The following STK3 variants were observed in gnomAD, a reference collection of about 807,000 sequenced individuals.
STK3 encodes the protein serine/threonine kinase 3.
STK3 carries 41 observed loss-of-function variants against 58.0 expected under a neutral mutation model. The ratio of observed to expected loss-of-function variants is 0.71; its 90% CI spans 0.55 to 0.92. STK3 has a LOEUF of 0.92. Among genes scored for constraint, STK3 ranks in the 40% least tolerant of loss-of-function variants. STK3 has a pLI of 0.00. For synonymous variants in STK3, 170 were observed against 191.0 expected (o/e 0.89, Z 0.91); for missense variants, 479 against 602.7 (o/e 0.79, Z 2.15).
rs1302087485 is a variant in STK3 at position 98,592,733 on chromosome 8, CTTTAT to C, written c.822+3294_822+3298del. Reference sequence around the variant, plus strand: ...TCATGGAAGACTGCTCACTGACTTACTTTATTTATTTATTTATTTATTTATTTATT... The same window carrying C: ...TCATGGAAGACTGCTCACTGACTTACTTATTTATTTATTTATTTATTTATT... On this transcript the variant is annotated intron_variant, in intron 7 of 10. Transcript: ENST00000419617. Among the ~76,000 whole-genome samples, 6 of 139,616 alleles carry C rather than the reference CTTTAT, an allele frequency of 4.3e-5. No individual in the cohort carries two copies. The South Asian group carries it at 9.4e-4, about 22-fold the overall frequency. The allele number at this position is 139,616 out of a possible 152,430, so 91.6% of individuals were successfully genotyped here.
chr8:98,631,667 T>TG (rs201413942), intron 6 of STK3, among the ~76,000 whole-genome samples: 2 of 150,896 alleles, frequency 1.3e-5, no homozygotes, highest in East Asian at 3.9e-4. Context: ...TTCGTTTTTT[T>TG]GTGTGTTTTT....
intron 1 of STK3, among the ~76,000 whole-genome samples, chr8:98,912,564 C>T (rs984825841): frequency 6.6e-6 from 1 of 152,106 alleles, no homozygotes; most frequent in Non-Finnish European, 1.5e-5. Context: ...GAACGTGCCC[C>T]ACTAACAACA....
Position 98,588,842 on chromosome 8 carries a change from C to T in STK3, c.822+7190G>A, listed in dbSNP as rs567587945. 4.4e-3 allele frequency among the ~76,000 whole-genome samples: 668 copies of T among 151,380 alleles called. 2 individuals are homozygous for T. Among genetic ancestry groups the T allele is most frequent in the African/African-American group, 0.012 (497 of 40,990 alleles). ...AAACTTCCCTTCTCGCTTCATTTCA[C>T]TCATTTCATCTTCCATTGCTGATAC... On this transcript the variant is annotated intron_variant, in intron 7 of 10. Transcript: ENST00000419617.
chr8:98,375,114 G>T (rs939152256), intron 2 of STK3, among the ~76,000 whole-genome samples: 5 of 151,714 alleles, frequency 3.3e-5, no homozygotes, highest in Non-Finnish European at 7.4e-5. Context: ...TATTAGCCAG[G>T]CATGGTGGCT....
intron 6 of STK3, among the ~76,000 whole-genome samples, chr8:98,599,078 T>C (rs1816091046): frequency 6.6e-6 from 1 of 152,186 alleles, no homozygotes; most frequent in African/African-American, 2.4e-5. Flanking sequence ...TCTGTGAATG[T>C]ATAGAAGTGA....
At chr8:98,833,224 G>A (rs542269936) in intron 3 of STK3, among the ~76,000 whole-genome samples, 79 of 152,128 alleles carry the variant, frequency 5.2e-4, no homozygotes, top group Non-Finnish European at 1.0e-3. Context: ...GCAGGGGGAG[G>A]GTTCCAGGTC....
chr8:98,382,087 T>TTGG (rs1817738184), intron 1 of STK3, among the ~76,000 whole-genome samples: 2 of 151,928 alleles, frequency 1.3e-5, no homozygotes, highest in Non-Finnish European at 2.9e-5. Context: ...AGAAAAATAG[T>TTGG]TGGGGACCTA....
At chr8:98,922,050 C>T (rs1373850143) in intron 1 of STK3, among the ~76,000 whole-genome samples, 1 of 152,106 alleles carries the variant, frequency 6.6e-6, no homozygotes, top group Non-Finnish European at 1.5e-5. Flanking sequence ...TGGAAAGCAC[C>T]CTTGCAGCTA....
intron 10 of STK3, among the ~76,000 whole-genome samples, chr8:98,505,764 G>C (rs886480951): frequency 3.9e-5 from 6 of 152,154 alleles, no homozygotes; most frequent in Admixed American, 1.3e-4. Context: ...CCTTCCTCTA[G>C]AAGCTTCATC....
At position 98,851,089 on chromosome 8, in the gene STK3, G is replaced by A. The variant is rs538686039; in HGVS notation, c.110+32558C>T. Among the ~76,000 whole-genome samples the A allele has an allele frequency of 3.3e-5, 5 of 152,210 alleles. No individual in the cohort carries two copies. In the East Asian group the frequency reaches 7.7e-4, roughly 23 times the overall value. ...ATAGCTAAAACCTCCTCACCTTTAA[G>A]CATCTGAGCTCAATGCTCACATTGA... is the stretch of plus-strand genomic sequence containing the variant. On this transcript the variant is annotated intron_variant, in intron 3 of 12. Transcript: ENST00000523601.
intron 10 of STK3, among the ~76,000 whole-genome samples, chr8:98,457,604 C>T (rs1257108687): frequency 6.6e-6 from 1 of 152,046 alleles, no homozygotes; most frequent in East Asian, 1.9e-4. Context: ...TTTCATGTCC[C>T]TAGATATTCC....
chr8:98,422,808 C>A (rs1818189181), intron 3 of STK3, among the ~76,000 whole-genome samples: 1 of 152,172 alleles, frequency 6.6e-6, no homozygotes, highest in South Asian at 2.1e-4. Context: ...TCGATCCGCA[C>A]CCCCAAAGTC....
At chr8:98,860,329 A>T (rs1836882841) in intron 3 of STK3, among the ~76,000 whole-genome samples, 1 of 152,170 alleles carries the variant, frequency 6.6e-6, no homozygotes, top group African/African-American at 2.4e-5. Flanking sequence ...CAGAGAGGTG[A>T]CGTCTGATAC....
intron 10 of STK3, among the ~76,000 whole-genome samples, chr8:98,489,981 A>G (rs1822564891): frequency 6.6e-6 from 1 of 152,160 alleles, no homozygotes; most frequent in African/African-American, 2.4e-5. Context: ...GGAATGCATA[A>G]CTTTAAAACA....
intron 3 of STK3, among the ~76,000 whole-genome samples, chr8:98,410,246 A>ACTCC (rs1466206497): frequency 6.6e-6 from 1 of 151,252 alleles, no homozygotes; most frequent in African/African-American, 2.4e-5. Flanking sequence ...CACTAAATGC[A>ACTCC]CTCCCTCCCT....
chr8:98,359,841 G>T, the STK3 span, among the ~76,000 whole-genome samples: 1 of 152,104 alleles, frequency 6.6e-6, no homozygotes, highest in Non-Finnish European at 1.5e-5. Context: ...TGCCCTTTCT[G>T]CTCTAATCAT....
At position 98,602,834 on chromosome 8, in the gene STK3, C is replaced by T. The variant is rs1221697573; in HGVS notation, c.685-6665G>A. On this transcript the variant is annotated intron_variant, in intron 6 of 10. Coordinates refer to ENST00000419617, the MANE Select transcript of STK3 (RefSeq NM_006281.4). ...AAGAGTCATAACTGACTCAAAAGAT[C>T]TGAGAAATCAGTAAGAAGCACATCA... Among the ~76,000 whole-genome samples the T allele has an allele frequency of 3.3e-5, 5 of 150,056 alleles. No individual in the cohort carries two copies. In the South Asian group the frequency reaches 6.3e-4, roughly 19 times the overall value.
chr8:98,793,907 A>C (rs1262123489), intron 1 of STK3, among the ~76,000 whole-genome samples: 1 of 152,230 alleles, frequency 6.6e-6, no homozygotes, highest in Non-Finnish European at 1.5e-5. Context: ...TCAGAACCAC[A>C]TAATTACATG....
chr8:98,428,505 G>A lies in STK3; in HGVS notation n.483+5622C>T. 6.2e-7 allele frequency: 1 copy of A among 1,614,126 alleles called. No individual in the cohort carries two copies. Among genetic ancestry groups the A allele is most frequent in the Non-Finnish European group, 8.5e-7 (1 of 1,180,034 alleles). Reference sequence around the variant, plus strand: ...CAACTTCCGCAGGCAGCTGTGGCTGGCGCTGGACAACCCCGGCTACTCAGT... The same window carrying A: ...CAACTTCCGCAGGCAGCTGTGGCTGACGCTGGACAACCCCGGCTACTCAGT... On this transcript the variant is annotated intron_variant and non_coding_transcript_variant, in intron 3 of 3. Transcript: ENST00000517832. This position sits in a 1 kb window ranked among gnomAD's most constrained non-coding sequence, Gnocchi z 6.7.
Sources: gnomAD v4.1 joint callset for allele counts (sites outside exome capture counted in the v4.1 genomes callset) on GRCh38, gnomAD v4.1.1 for gene constraint, Gnocchi (gnomAD v3.1) non-coding constraint, MANE v1.5 for transcripts, NCBI Gene and HGNC (gene_info 2026-07-23, HGNC 2026-07-21) for gene names.